Variants in EBF1 observed in about 807,000 individuals in gnomAD.
EBF1 encodes the protein EBF transcription factor 1.
A neutral mutation model predicts 68.4 loss-of-function variants in EBF1; 10 were observed. The ratio of observed to expected loss-of-function variants is 0.15; its 90% CI spans 0.09 to 0.25. The LOEUF (loss-of-function observed/expected upper bound fraction) is 0.25. Ranked by LOEUF, EBF1 falls within the 10% of genes least tolerant of loss-of-function variation. The pLI is 1.00. For missense variants in EBF1, 509 were observed against 794.4 expected (o/e 0.64, Z 4.32); for synonymous variants, 298 against 299.8 (o/e 0.99, Z 0.06).
At chr5:158,797,950 A>G (rs888991753) in intron 8 of EBF1, among the ~76,000 whole-genome samples, 2 of 152,214 alleles carry the variant, frequency 1.3e-5, no homozygotes, top group Non-Finnish European at 2.9e-5. Context: ...GGTTGTGATC[A>G]GTGTTCCACA....
intron 6 of EBF1, among the ~76,000 whole-genome samples, chr5:159,042,131 A>T (rs573770094): frequency 6.6e-6 from 1 of 152,252 alleles, no homozygotes; most frequent in Non-Finnish European, 1.5e-5. Context: ...GCGCCAACCC[A>T]TCAAAGCCAT....
intron 6 of EBF1, among the ~76,000 whole-genome samples, chr5:158,934,549 C>T (rs1241152272): frequency 6.6e-6 from 1 of 152,228 alleles, no homozygotes; most frequent in Non-Finnish European, 1.5e-5. Flanking sequence ...AAATAACTCA[C>T]TCAAAATTCA....
chr5:158,753,210 A>T (rs1769312594), intron 10 of EBF1, among the ~76,000 whole-genome samples: 1 of 152,108 alleles, frequency 6.6e-6, no homozygotes, highest in Non-Finnish European at 1.5e-5. Flanking sequence ...GCTAGAAGGA[A>T]AGGATACCGG....
chr5:158,963,560 T>C (rs933507973), intron 6 of EBF1, among the ~76,000 whole-genome samples: 1 of 152,166 alleles, frequency 6.6e-6, no homozygotes, highest in Non-Finnish European at 1.5e-5. Flanking sequence ...TCACAAAGCA[T>C]GCAATGTAGA....
At chr5:158,962,753 C>T (rs938327803) in intron 6 of EBF1, among the ~76,000 whole-genome samples, 5 of 152,182 alleles carry the variant, frequency 3.3e-5, no homozygotes, top group Non-Finnish European at 7.3e-5. Flanking sequence ...ATCTCGCCTG[C>T]GGGACTAAAA....
intron 10 of EBF1, among the ~76,000 whole-genome samples, chr5:158,753,082 A>ATGGAAAT (rs1411994366): frequency 6.6e-6 from 1 of 152,138 alleles, no homozygotes; most frequent in African/African-American, 2.4e-5. Context: ...GCCTTACAAA[A>ATGGAAAT]TGGAAATCAT....
intron 8 of EBF1, among the ~76,000 whole-genome samples, chr5:158,808,467 C>T (rs1292621374): frequency 6.6e-6 from 1 of 152,170 alleles, no homozygotes; most frequent in Non-Finnish European, 1.5e-5. Flanking sequence ...TTTCTAGCCT[C>T]ATTTTCAGCC....
At chr5:159,040,268 C>T (rs762166019) in intron 6 of EBF1, among the ~76,000 whole-genome samples, 11 of 152,084 alleles carry the variant, frequency 7.2e-5, no homozygotes, top group East Asian at 3.9e-4. Flanking sequence ...AAAGAGGAAG[C>T]GCTTAAATAT....
chr5:158,744,771 G>A (rs1448681737), intron 10 of EBF1, among the ~76,000 whole-genome samples: 1 of 152,208 alleles, frequency 6.6e-6, no homozygotes, highest in Non-Finnish European at 1.5e-5. Context: ...AACTTCAGAT[G>A]CCTCAAGGCA....
chr5:159,010,105 G>A (rs571118909), intron 6 of EBF1, among the ~76,000 whole-genome samples: 2 of 152,276 alleles, frequency 1.3e-5, no homozygotes, highest in East Asian at 1.9e-4. Flanking sequence ...TATACAGCCC[G>A]AAAGAGTAAA....
intron 6 of EBF1, chr5:159,018,972 G>A (rs987292656): frequency 5.3e-5 from 8 of 152,150 alleles, no homozygotes; most frequent in African/African-American, 1.9e-4. Context: ...CCTCCGCAAA[G>A]ACTATAAGCC....
chr5:158,714,034 T>C, intron 12 of EBF1, 83 bp downstream of exon 12: 1 of 1,432,248 alleles, frequency 7.0e-7, no homozygotes, highest in Non-Finnish European at 9.8e-7. Context: ...TTATATTGTT[T>C]GTGCTTTCTC....
At chr5:158,788,939 C>T (rs1172599088) in intron 9 of EBF1, among the ~76,000 whole-genome samples, 1 of 151,624 alleles carries the variant, frequency 6.6e-6, no homozygotes, top group African/African-American at 2.4e-5. Context: ...ATAAAGTGAG[C>T]ATGGCTGTAA....
intron 10 of EBF1, among the ~76,000 whole-genome samples, chr5:158,740,541 C>A (rs533955465): frequency 6.6e-6 from 1 of 152,260 alleles, no homozygotes; most frequent in East Asian, 1.9e-4. Context: ...ACTAATAAGA[C>A]AGGAAAGTAC....
intron 5 of EBF1, among the ~76,000 whole-genome samples, chr5:159,076,644 C>T (rs1012345270): frequency 6.6e-6 from 1 of 152,062 alleles, no homozygotes; most frequent in African/African-American, 2.4e-5. Flanking sequence ...AAACTTTAGG[C>T]CAAGTATGAA....
chr5:158,858,155 C>A (rs750180994), intron 6 of EBF1, among the ~76,000 whole-genome samples: 1 of 152,114 alleles, frequency 6.6e-6, no homozygotes, highest in Non-Finnish European at 1.5e-5. Flanking sequence ...ATCCTCTGTT[C>A]GGAGTAAGTG....
intron 8 of EBF1, among the ~76,000 whole-genome samples, chr5:158,802,508 C>T (rs1410952590): frequency 6.6e-6 from 1 of 152,146 alleles, no homozygotes; most frequent in Non-Finnish European, 1.5e-5. Context: ...AACCAGAACT[C>T]TCTATTAGTG....
chr5:158,792,066 C>T (rs958442716), intron 9 of EBF1, among the ~76,000 whole-genome samples: 4 of 152,124 alleles, frequency 2.6e-5, no homozygotes, highest in Non-Finnish European at 5.9e-5. Flanking sequence ...CAACCAAGTG[C>T]GGCTCTGGTC....
At chr5:159,026,949 A>G (rs995038666) in intron 6 of EBF1, among the ~76,000 whole-genome samples, 1 of 152,226 alleles carries the variant, frequency 6.6e-6, no homozygotes, top group African/African-American at 2.4e-5. Context: ...AGAGAAGAGG[A>G]GATACAATCT....
Sources: gnomAD v4.1 joint callset for allele counts (sites outside exome capture counted in the v4.1 genomes callset) on GRCh38, gnomAD v4.1.1 for gene constraint, MANE v1.5 for transcripts, NCBI Gene and HGNC (gene_info 2026-07-23, HGNC 2026-07-21) for gene names.